Variants in CNTN5 observed in about 807,000 individuals in gnomAD.
CNTN5 encodes contactin-5.
CNTN5 carries 77 observed loss-of-function variants against 129.1 expected under a neutral mutation model. The ratio of observed to expected loss-of-function variants is 0.60; its 90% confidence interval spans 0.50 to 0.72. CNTN5 has a LOEUF of 0.72. Among genes scored for constraint, CNTN5 ranks in the 30% least tolerant of loss-of-function variants. CNTN5 has a pLI of 0.00. For synonymous variants in CNTN5, 509 were observed against 465.6 expected, an observed-to-expected ratio of 1.09 and a Z score of -1.20; for missense variants, 1,478 against 1,328.8, an observed-to-expected ratio of 1.11 and a Z score of -1.75.
At chr11:99,763,237 C>T (rs1223720598) in intron 3 of CNTN5, among the ~76,000 whole-genome samples, 2 of 152,034 alleles carry the variant, frequency 1.3e-5, no homozygotes, top group African/African-American at 4.8e-5. Flanking sequence ...TAATGATACA[C>T]ATAAATACAT....
chr11:99,726,041 C>T (rs1055537646), intron 3 of CNTN5, among the ~76,000 whole-genome samples: 2 of 152,220 alleles, frequency 1.3e-5, no homozygotes, highest in East Asian at 1.9e-4. Context: ...CTAAGGCACA[C>T]TCCATGAGCC....
chr11:99,400,457 T>A (rs1941745551), intron 2 of CNTN5, among the ~76,000 whole-genome samples: 1 of 152,176 alleles, frequency 6.6e-6, no homozygotes, highest in Non-Finnish European at 1.5e-5. Flanking sequence ...CCACATTTTC[T>A]TTATCCAATC....
chr11:99,871,549 A>G (rs1035234289), intron 6 of CNTN5, among the ~76,000 whole-genome samples: 5 of 152,162 alleles, frequency 3.3e-5, no homozygotes, highest in Middle Eastern at 3.4e-3. Flanking sequence ...AACTCCAACT[A>G]TCCAGCATGT....
intron 6 of CNTN5, among the ~76,000 whole-genome samples, chr11:99,861,031 C>T (rs1427603495): frequency 7.0e-6 from 1 of 143,880 alleles, no homozygotes; most frequent in Admixed American, 7.2e-5. Flanking sequence ...TCTCATCTCA[C>T]TGCAAACTGC....
At chr11:99,682,596 G>C (rs2134724543) in intron 3 of CNTN5, among the ~76,000 whole-genome samples, 1 of 151,964 alleles carries the variant, frequency 6.6e-6, no homozygotes, top group East Asian at 1.9e-4. Context: ...ACCAAAAAAT[G>C]AAAGCACCAA....
chr11:99,081,975 T>G (rs1198561459), intron 1 of CNTN5, among the ~76,000 whole-genome samples: 1 of 151,526 alleles, frequency 6.6e-6, no homozygotes, highest in Non-Finnish European at 1.5e-5. Context: ...ATTTTAAAAA[T>G]CTATGTAATG....
intron 3 of CNTN5, among the ~76,000 whole-genome samples, chr11:99,684,342 A>T (rs1241076388): frequency 6.6e-6 from 1 of 151,920 alleles, no homozygotes; most frequent in Admixed American, 6.6e-5. Context: ...TGGAATGTAG[A>T]TATAAAATAA....
At chr11:100,043,226 C>A (rs1348887382) in intron 9 of CNTN5, among the ~76,000 whole-genome samples, 2 of 152,150 alleles carry the variant, frequency 1.3e-5, no homozygotes, top group African/African-American at 4.8e-5. Flanking sequence ...AAAATTATTT[C>A]ATTTTCCCTA....
intron 3 of CNTN5, among the ~76,000 whole-genome samples, chr11:99,787,039 G>A (rs895584257): frequency 1.3e-5 from 2 of 151,782 alleles, no homozygotes; most frequent in Non-Finnish European, 2.9e-5. Context: ...GTTCGGATAT[G>A]AATTTTAAAT....
chr11:100,035,215 G>GA (rs1591095520), intron 9 of CNTN5, among the ~76,000 whole-genome samples: 1 of 48,728 alleles, frequency 2.1e-5, no homozygotes, highest in Non-Finnish European at 3.2e-5. Flanking sequence ...GTGAGAACAT[G>GA]TGTGTTTGGG....
chr11:99,567,698 T>C (rs1949051200), intron 3 of CNTN5, among the ~76,000 whole-genome samples: 2 of 152,180 alleles, frequency 1.3e-5, no homozygotes, highest in African/African-American at 4.8e-5. Context: ...CATGATCAAA[T>C]TAAAATTATG....
chr11:99,455,175 A>G (rs1354845920), intron 2 of CNTN5, among the ~76,000 whole-genome samples: 2 of 152,134 alleles, frequency 1.3e-5, no homozygotes, highest in Admixed American at 1.3e-4. Context: ...GTTGGCCCTC[A>G]AGATGCTCAC....
intron 13 of CNTN5, among the ~76,000 whole-genome samples, chr11:100,126,838 T>G (rs1363020): frequency 0.8 from 121,077 of 152,030 alleles, 49,024 homozygotes; most frequent in East Asian, 1. Context: ...TTAGCTGGTT[T>G]CTTTGTAGTT....
At chr11:99,306,365 A>C (rs1864873642) in intron 1 of CNTN5, among the ~76,000 whole-genome samples, 1 of 152,198 alleles carries the variant, frequency 6.6e-6, no homozygotes, top group South Asian at 2.1e-4. Flanking sequence ...ACACAAAAAA[A>C]TGAGATAGTG....
chr11:100,090,109 A>T (rs942737585), intron 13 of CNTN5, among the ~76,000 whole-genome samples: 17 of 152,092 alleles, frequency 1.1e-4, no homozygotes, highest in African/African-American at 3.6e-4. Flanking sequence ...AAACCATATG[A>T]TCTTCTCAAT....
At chr11:99,917,241 T>A (rs1280668197) in intron 7 of CNTN5, among the ~76,000 whole-genome samples, 2 of 152,106 alleles carry the variant, frequency 1.3e-5, no homozygotes, top group Non-Finnish European at 2.9e-5. Context: ...AATTGTTGAG[T>A]TGTACCACTC....
chr11:99,108,284 A>G (rs1857614889), intron 1 of CNTN5, among the ~76,000 whole-genome samples: 1 of 152,148 alleles, frequency 6.6e-6, no homozygotes, highest in Non-Finnish European at 1.5e-5. Context: ...GTTGATTTTG[A>G]TCTAATTTAG....
At chr11:99,758,969 A>C (rs1237065346) in intron 3 of CNTN5, among the ~76,000 whole-genome samples, 2 of 152,108 alleles carry the variant, frequency 1.3e-5, no homozygotes, top group African/African-American at 4.8e-5. Flanking sequence ...AGAGAATTGC[A>C]ATAGTATTCC....
chr11:99,255,815 CGCACACGCACACACAT>C (rs1180834545), intron 1 of CNTN5, among the ~76,000 whole-genome samples: 1 of 151,136 alleles, frequency 6.6e-6, no homozygotes, highest in African/African-American at 2.4e-5. Flanking sequence ...CACACACACA[CGCACACGCACACACAT>C]GCACACGCAC....
Sources: gnomAD v4.1 joint callset for allele counts (sites outside exome capture counted in the v4.1 genomes callset) on GRCh38, gnomAD v4.1.1 for gene constraint, MANE v1.5 for transcripts, NCBI Gene and HGNC (gene_info 2026-07-23, HGNC 2026-07-21) for gene names.